MTCL1: variants seen among roughly 807,000 people sequenced by gnomAD.
The protein encoded by MTCL1 is microtubule crosslinking factor 1.
In MTCL1, 79 loss-of-function variants were observed where a neutral mutation model predicts 141.4. The ratio of observed to expected loss-of-function variants is 0.56; its 90% CI spans 0.47 to 0.67. The LOEUF (loss-of-function observed/expected upper bound fraction) is 0.67. Among genes scored for constraint, MTCL1 ranks in the 30% least tolerant of loss-of-function variants. The pLI is 0.00. For synonymous variants in MTCL1, 914 were observed against 875.8 expected (o/e 1.04, Z -0.77); for missense variants, 2,177 against 2,113.9 (o/e 1.03, Z -0.59).
chr18:8,822,368 C>G lies in MTCL1; in HGVS notation c.3188+870C>G, dbSNP rs1052396476. On this transcript the variant is annotated intron_variant, in intron 14 of 16. Transcript: ENST00000359865. This position sits in a 1 kb window ranked among gnomAD's most constrained non-coding sequence, Gnocchi z 4.6. The stretch of plus-strand genomic sequence containing the variant: ...GGAGTACAGTGGCACAATCTTGGCT[C>G]ACTGCAACCTCTGCCCCCTGGGTTC... Among the ~76,000 whole-genome samples, 1 of 152,180 alleles carries G rather than the reference C, an allele frequency of 6.6e-6. No individual in the cohort carries two copies. The highest frequency in any genetic ancestry group is 2.4e-5 in the African/African-American group (1 of 41,436).
chr18:8,818,969 A>G, exon 13 of MTCL1: 1 of 1,602,074 alleles, frequency 6.2e-7, no homozygotes, highest in Non-Finnish European at 8.5e-7. Context: ...CAAGTTGCAG[A>G]AAGAGAACAG....
At chr18:8,798,766 A>G (rs556061612) in intron 10 of MTCL1, among the ~76,000 whole-genome samples, 3 of 152,362 alleles carry the variant, frequency 2.0e-5, no homozygotes, top group African/African-American at 7.2e-5. Flanking sequence ...ATTAATGTAT[A>G]AAGAGAGGTG....
At chr18:8,742,465 T>A (rs958976183) in intron 4 of MTCL1, among the ~76,000 whole-genome samples, 1 of 152,150 alleles carries the variant, frequency 6.6e-6, no homozygotes, top group Non-Finnish European at 1.5e-5. Flanking sequence ...GGCAAGTCCT[T>A]CTTCACATGG....
chr18:8,753,332 G>C (rs1567979488), intron 4 of MTCL1, among the ~76,000 whole-genome samples: 1 of 152,258 alleles, frequency 6.6e-6, no homozygotes, highest in Non-Finnish European at 1.5e-5. Context: ...TGAAATAAAG[G>C]TATTGACAGA....
intron 4 of MTCL1, among the ~76,000 whole-genome samples, chr18:8,726,684 G>A (rs897027031): frequency 6.6e-6 from 1 of 152,116 alleles, no homozygotes; most frequent in African/African-American, 2.4e-5. Flanking sequence ...GGGCATAAAC[G>A]TTCAGTCCAT....
chr18:8,812,578 C>T (rs2076524040), intron 11 of MTCL1, among the ~76,000 whole-genome samples: 1 of 152,168 alleles, frequency 6.6e-6, no homozygotes, highest in African/African-American at 2.4e-5. Flanking sequence ...TGATATTTAA[C>T]CTCCTGGGTA....
At chr18:8,766,174 G>A (rs1371241809) in intron 4 of MTCL1, among the ~76,000 whole-genome samples, 1 of 152,354 alleles carries the variant, frequency 6.6e-6, no homozygotes, top group Admixed American at 6.5e-5. Context: ...AGCACGCAGC[G>A]GATGCTGCAC....
chr18:8,826,146 G>C (rs1215282083), exon 15 of MTCL1: 1 of 1,613,482 alleles, frequency 6.2e-7, no homozygotes, highest in Non-Finnish European at 8.5e-7. Context: ...CTTAAAGGAG[G>C]AGAGGAGGCA....
intron 4 of MTCL1, among the ~76,000 whole-genome samples, chr18:8,769,300 T>C (rs994410703): frequency 1.3e-5 from 2 of 152,228 alleles, no homozygotes; most frequent in Non-Finnish European, 2.9e-5. Context: ...TTGGGATTCT[T>C]GCAGTTTGGG....
At chr18:8,781,442 C>A (rs1007257473) in intron 5 of MTCL1, among the ~76,000 whole-genome samples, 3 of 152,064 alleles carry the variant, frequency 2.0e-5, no homozygotes, top group African/African-American at 7.2e-5. Flanking sequence ...CCAACCAAAT[C>A]CTTCATGTGA....
At chr18:8,726,494 AGCGC>A (rs1158741379) in intron 4 of MTCL1, among the ~76,000 whole-genome samples, 1 of 128,346 alleles carries the variant, frequency 7.8e-6, no homozygotes, top group Non-Finnish European at 1.8e-5. Context: ...AGAGAGAGAG[AGCGC>A]GCGCGCGCGC....
intron 4 of MTCL1, among the ~76,000 whole-genome samples, chr18:8,765,496 A>C (rs2096455569): frequency 1.3e-5 from 2 of 152,174 alleles, no homozygotes; most frequent in African/African-American, 4.8e-5. Flanking sequence ...CCTCCCCCAC[A>C]AGTCCTTGGG....
intron 4 of MTCL1, among the ~76,000 whole-genome samples, chr18:8,765,852 G>A (rs2096457258): frequency 6.6e-6 from 1 of 152,210 alleles, no homozygotes; most frequent in Non-Finnish European, 1.5e-5. Context: ...ATCAAAGAAG[G>A]AAGCAGGCAG....
intron 4 of MTCL1, among the ~76,000 whole-genome samples, chr18:8,733,264 T>C (rs2096260426): frequency 6.6e-6 from 1 of 152,138 alleles, no homozygotes; most frequent in Admixed American, 6.5e-5. Context: ...TAGTAAAGCT[T>C]TTTTTCATAA....
At chr18:8,829,489 C>T in intron 16 of MTCL1, 1 of 944,048 alleles carries the variant, frequency 1.1e-6, no homozygotes, top group Non-Finnish European at 1.3e-6. Context: ...CCGTGGGTGA[C>T]AGAGTAAATG....
intron 4 of MTCL1, among the ~76,000 whole-genome samples, chr18:8,739,871 A>G (rs536354867): frequency 6.6e-6 from 1 of 152,288 alleles, no homozygotes; most frequent in East Asian, 1.9e-4. Flanking sequence ...AGCTGGGACT[A>G]AAGGCGCACG....
At chr18:8,758,755 A>T (rs2148990800) in intron 4 of MTCL1, among the ~76,000 whole-genome samples, 1 of 152,306 alleles carries the variant, frequency 6.6e-6, no homozygotes, top group African/African-American at 2.4e-5. Context: ...ATTCTTGGTT[A>T]TCAGGAGTTT....
At chr18:8,786,972 A>T (rs1394475239) in intron 7 of MTCL1, 1 of 155,510 alleles carries the variant, frequency 6.4e-6, no homozygotes, top group African/African-American at 2.4e-5. Context: ...CTTCCCTTTG[A>T]TGGCTGGTTT....
intron 4 of MTCL1, among the ~76,000 whole-genome samples, chr18:8,723,336 A>G (rs891489717): frequency 6.6e-6 from 1 of 152,218 alleles, no homozygotes; most frequent in Non-Finnish European, 1.5e-5. Context: ...CAGTACAAAC[A>G]GGCTGAGCTT....
Sources: allele counts gnomAD v4.1 joint callset (sites outside exome capture counted in the v4.1 genomes callset), GRCh38; gene constraint gnomAD v4.1.1; non-coding constraint Gnocchi (gnomAD v3.1); transcripts MANE v1.5; gene names NCBI Gene and HGNC (gene_info 2026-07-23, HGNC 2026-07-21).